ESRRG: variants seen among roughly 807,000 people sequenced by gnomAD.
The protein encoded by ESRRG is estrogen related receptor gamma.
Under a neutral mutation model 44.0 loss-of-function variants are expected in ESRRG, and 13 were observed. The observed-to-expected ratio is 0.30, with a 90% CI of 0.19 to 0.47. The LOEUF (loss-of-function observed/expected upper bound fraction) is 0.47, where lower values mean the gene tolerates loss of function less well. ESRRG is among the 20% of genes least tolerant of loss of function. The pLI is 1.00. For synonymous variants in ESRRG, 215 were observed against 214.6 expected (o/e 1.00, Z -0.02); for missense variants, 395 against 580.6 (o/e 0.68, Z 3.29).
chr1:216,639,664 C>T (rs1259165322), intron 3 of ESRRG, among the ~76,000 whole-genome samples: 1 of 152,028 alleles, frequency 6.6e-6, no homozygotes, highest in Non-Finnish European at 1.5e-5. Flanking sequence ...ATGGTGCAGA[C>T]ATAATAAAAT....
In ESRRG at chr1:216,708,213, TA is replaced by T. The variant is rs374440903; in HGVS notation, c.56+15030del. ...CAAAGTCTCAGAAAAAAAAGCCATTTAAAAAAATAAAAGAATAAGTATAAAT... is the reference window on the plus strand; with the variant it reads ...CAAAGTCTCAGAAAAAAAAGCCATTTAAAAAATAAAAGAATAAGTATAAAT... On this transcript the variant is annotated intron_variant, in intron 1 of 6. Coordinates refer to ENST00000408911, the MANE Select transcript of ESRRG (RefSeq NM_001438.4). Among the ~76,000 whole-genome samples the T allele has an allele frequency of 8.9e-3, 1,355 of 152,092 alleles. 28 individuals carry two copies. The highest frequency in any genetic ancestry group is 0.05 in the East Asian group (258 of 5,182).
intron 1 of ESRRG, among the ~76,000 whole-genome samples, chr1:217,010,157 C>A (rs1437573586): frequency 1.3e-5 from 2 of 152,000 alleles, no homozygotes; most frequent in East Asian, 3.9e-4. Flanking sequence ...GAGATGATCC[C>A]AGCCAGTCCA....
rs180859349 is a variant in ESRRG at position 216,586,252 on chromosome 1, C to A, written c.590-18154G>T. Among the ~76,000 whole-genome samples the A allele has an allele frequency of 5.7e-3, 861 of 152,004 alleles. 7 individuals are homozygous for A. The highest frequency in any genetic ancestry group is 0.016 in the African/African-American group (654 of 41,442). ...AGTTACCTGGGTCTCAGTTTCTTTA[C>A]CAAAACAAATTTTAGCATAATTTTT... On this transcript the variant is annotated intron_variant, in intron 3 of 6. Transcript: ENST00000408911.
At chr1:216,660,769 T>A (rs2072122259) in intron 2 of ESRRG, among the ~76,000 whole-genome samples, 1 of 152,082 alleles carries the variant, frequency 6.6e-6, no homozygotes, top group Non-Finnish European at 1.5e-5. Context: ...AGCTGTGGGA[T>A]AGGATAGGGT....
At chr1:216,894,897 T>C (rs1314765331) in intron 2 of ESRRG, among the ~76,000 whole-genome samples, 1 of 152,158 alleles carries the variant, frequency 6.6e-6, no homozygotes, top group Non-Finnish European at 1.5e-5. Flanking sequence ...TCCTCCCCCA[T>C]CCACGTTAAT....
At chr1:216,925,775 A>G (rs1280088300) in intron 2 of ESRRG, among the ~76,000 whole-genome samples, 1 of 151,588 alleles carries the variant, frequency 6.6e-6, no homozygotes, top group Non-Finnish European at 1.5e-5. Context: ...ACATGGCAAA[A>G]CCCTGTCTCT....
intron 3 of ESRRG, among the ~76,000 whole-genome samples, chr1:216,626,764 C>T (rs2063262647): frequency 6.6e-6 from 1 of 152,206 alleles, no homozygotes; most frequent in Non-Finnish European, 1.5e-5. Flanking sequence ...CAGGAGGTTC[C>T]TCGCTGGTAT....
chr1:216,664,635 A>C (rs2073409206), intron 2 of ESRRG, among the ~76,000 whole-genome samples: 2 of 150,376 alleles, frequency 1.3e-5, no homozygotes, highest in Non-Finnish European at 3.0e-5. Context: ...TATCTATAAA[A>C]TCTCTCAAAA....
intron 3 of ESRRG, among the ~76,000 whole-genome samples, chr1:216,613,145 T>C (rs2060902213): frequency 6.6e-6 from 1 of 152,216 alleles, no homozygotes; most frequent in Non-Finnish European, 1.5e-5. Flanking sequence ...TGGGAATTTT[T>C]CCAGAAATGG....
intron 2 of ESRRG, among the ~76,000 whole-genome samples, chr1:216,745,065 G>C (rs540286546): frequency 1.3e-5 from 2 of 152,108 alleles, no homozygotes; most frequent in Non-Finnish European, 1.5e-5. Flanking sequence ...ATGGGATGTC[G>C]GTTAGAGGTG....
At chr1:216,904,047 C>T (rs2059403400) in intron 2 of ESRRG, among the ~76,000 whole-genome samples, 1 of 152,134 alleles carries the variant, frequency 6.6e-6, no homozygotes, top group Admixed American at 6.5e-5. Context: ...GCAAAACAAG[C>T]ATAGTGCCCG....
At chr1:216,850,377 C>G (rs1372174870) in intron 2 of ESRRG, among the ~76,000 whole-genome samples, 1 of 151,982 alleles carries the variant, frequency 6.6e-6, no homozygotes, top group Non-Finnish European at 1.5e-5. Flanking sequence ...TTAAAGAACT[C>G]TTAGTATAAA....
intron 3 of ESRRG, among the ~76,000 whole-genome samples, chr1:216,620,140 A>G (rs914561169): frequency 1.3e-5 from 2 of 152,144 alleles, no homozygotes; most frequent in African/African-American, 4.8e-5. Context: ...TCAGAAGCCA[A>G]TTTCTGGGTT....
chr1:216,848,972 G>A (rs556335558), intron 2 of ESRRG, among the ~76,000 whole-genome samples: 21 of 151,986 alleles, frequency 1.4e-4, no homozygotes, highest in Non-Finnish European at 1.9e-4. Flanking sequence ...TTATGAGGAC[G>A]AAATGCCTTT....
chr1:216,835,104 G>A (rs923828984), intron 2 of ESRRG, among the ~76,000 whole-genome samples: 2 of 152,152 alleles, frequency 1.3e-5, no homozygotes, highest in African/African-American at 4.8e-5. Flanking sequence ...TGTTTGCTTT[G>A]TTTTTGGAAT....
chr1:216,977,740 C>A (rs1410633037), intron 1 of ESRRG, among the ~76,000 whole-genome samples: 1 of 152,130 alleles, frequency 6.6e-6, no homozygotes, highest in Non-Finnish European at 1.5e-5. Context: ...AATGTCCCCA[C>A]CAAAACTCAT....
intron 1 of ESRRG, among the ~76,000 whole-genome samples, chr1:216,960,647 A>C (rs1440014469): frequency 6.6e-6 from 1 of 151,982 alleles, no homozygotes; most frequent in Non-Finnish European, 1.5e-5. Flanking sequence ...GTGCAGTGGT[A>C]TAATCATGGC....
intron 2 of ESRRG, among the ~76,000 whole-genome samples, chr1:216,934,147 C>A (rs779991111): frequency 2.2e-4 from 33 of 152,114 alleles, no homozygotes; most frequent in Non-Finnish European, 4.3e-4. Context: ...TAAAGACATA[C>A]CAGAGGCTGG....
At chr1:216,711,431 G>C (rs891909456) in intron 1 of ESRRG, among the ~76,000 whole-genome samples, 1 of 152,176 alleles carries the variant, frequency 6.6e-6, no homozygotes, top group African/African-American at 2.4e-5. Context: ...GCATATTAAG[G>C]TTCTCTTAAC....
Sources: gnomAD v4.1 joint callset for allele counts (sites outside exome capture counted in the v4.1 genomes callset) on GRCh38, gnomAD v4.1.1 for gene constraint, MANE v1.5 for transcripts, NCBI Gene and HGNC (gene_info 2026-07-23, HGNC 2026-07-21) for gene names.